NALF1: variants seen among roughly 807,000 people sequenced by gnomAD.
The protein encoded by NALF1 is NALCN channel auxiliary factor 1.
Under a neutral mutation model 48.4 loss-of-function variants are expected in NALF1, and 3 were observed. The ratio of observed to expected loss-of-function variants is 0.06; its 90% CI spans 0.03 to 0.16. The LOEUF is 0.16. Among genes scored for constraint, NALF1 ranks in the 10% least tolerant of loss-of-function variants. The pLI is 1.00. For missense variants in NALF1, 526 were observed against 571.5 expected, an observed-to-expected ratio of 0.92 and a Z score of 0.81; for synonymous variants, 262 against 245.7, an observed-to-expected ratio of 1.07 and a Z score of -0.62.
chr13:107,816,848 C>T (rs1879181871), intron 1 of NALF1, among the ~76,000 whole-genome samples: 1 of 152,086 alleles, frequency 6.6e-6, no homozygotes, highest in South Asian at 2.1e-4. Context: ...TCTTCCCAGT[C>T]CAGGAATAGA....
chr13:107,731,347 T>C (rs1193174183), intron 1 of NALF1, among the ~76,000 whole-genome samples: 1 of 152,188 alleles, frequency 6.6e-6, no homozygotes, highest in African/African-American at 2.4e-5. Context: ...TAAAACATTA[T>C]ACTTTGGGGT....
intron 1 of NALF1, among the ~76,000 whole-genome samples, chr13:107,425,702 A>C (rs1193798319): frequency 6.6e-6 from 1 of 152,118 alleles, no homozygotes; most frequent in African/African-American, 2.4e-5. Flanking sequence ...ATGATATTGA[A>C]TACCTATTTA....
intron 1 of NALF1, among the ~76,000 whole-genome samples, chr13:107,225,668 T>C (rs76988090): frequency 0.011 from 1,738 of 152,210 alleles, 31 homozygotes; most frequent in African/African-American, 0.04. Flanking sequence ...ACAGTGTGTA[T>C]GGAATAGATC....
At chr13:107,713,887 T>A (rs1017285610) in intron 1 of NALF1, among the ~76,000 whole-genome samples, 1 of 152,206 alleles carries the variant, frequency 6.6e-6, no homozygotes, top group Non-Finnish European at 1.5e-5. Context: ...AAAAAATGCA[T>A]TATAGGCAGT....
chr13:107,557,317 G>C (rs1330511286), intron 1 of NALF1, among the ~76,000 whole-genome samples: 6 of 152,174 alleles, frequency 3.9e-5, no homozygotes, highest in African/African-American at 1.4e-4. Flanking sequence ...GACTCTTGTA[G>C]AAGCAATCTT....
chr13:107,503,291 C>CAA (rs57318956), intron 1 of NALF1, among the ~76,000 whole-genome samples: 11 of 150,804 alleles, frequency 7.3e-5, no homozygotes, highest in South Asian at 4.2e-4. Context: ...TGTAAGTTTT[C>CAA]AAAAAAAAAT....
At chr13:107,701,643 A>G (rs1471363937) in intron 1 of NALF1, among the ~76,000 whole-genome samples, 1 of 152,156 alleles carries the variant, frequency 6.6e-6, no homozygotes, top group Non-Finnish European at 1.5e-5. Flanking sequence ...TGTACAATAA[A>G]CAAATCTAGA....
intron 1 of NALF1, among the ~76,000 whole-genome samples, chr13:107,384,478 G>A (rs545559438): frequency 6.6e-5 from 10 of 152,076 alleles, no homozygotes; most frequent in Non-Finnish European, 1.0e-4. Context: ...TATCTGGAGT[G>A]TGAAAATCTG....
chr13:107,552,892 G>A (rs1249657537), intron 1 of NALF1, among the ~76,000 whole-genome samples: 2 of 149,712 alleles, frequency 1.3e-5, no homozygotes, highest in Admixed American at 6.7e-5. Flanking sequence ...TTAAAATATT[G>A]TGCACAATAT....
intron 1 of NALF1, among the ~76,000 whole-genome samples, chr13:107,846,412 G>A (rs941521554): frequency 6.6e-5 from 10 of 152,132 alleles, no homozygotes; most frequent in Non-Finnish European, 1.2e-4. Context: ...TTTGGGGAAT[G>A]TTCATTAGTC....
At position 107,164,963 on chromosome 13, in the gene NALF1, A is replaced by C. The variant is rs1878629106; in HGVS notation, c.*5534T>G. The C allele has an allele frequency of 6.6e-6, 1 of 152,100 alleles. No individual in the cohort carries two copies. Among genetic ancestry groups the C allele is most frequent in the Non-Finnish European group, 1.5e-5 (1 of 68,036 alleles). 9.4% of individuals were successfully genotyped at this position (152,100 alleles called of 1,614,324 possible). ...TTGTCCAGGCACATTTATATTACTT[A>C]TCTCTTTTAAGCCTCCAATGTTGCC... On this transcript the variant is annotated 3_prime_UTR_variant, in exon 3 of 3. Transcript: ENST00000375915.
At chr13:107,813,456 T>C (rs1408121183) in intron 1 of NALF1, among the ~76,000 whole-genome samples, 1 of 152,210 alleles carries the variant, frequency 6.6e-6, no homozygotes, top group Non-Finnish European at 1.5e-5. Flanking sequence ...AAATAAGTTT[T>C]GGAAAGCTCA....
chr13:107,642,077 T>C (rs1392428794), intron 1 of NALF1, among the ~76,000 whole-genome samples: 2 of 152,106 alleles, frequency 1.3e-5, no homozygotes, highest in East Asian at 1.9e-4. Context: ...TGGGAGCACG[T>C]TGGAAAGGCA....
chr13:107,314,378 C>T (rs1210226680), intron 1 of NALF1, among the ~76,000 whole-genome samples: 2 of 152,142 alleles, frequency 1.3e-5, no homozygotes, highest in African/African-American at 4.8e-5. Context: ...TAATGAGACT[C>T]TGGGAGTTCC....
At chr13:107,415,677 G>T (rs34138236) in intron 1 of NALF1, among the ~76,000 whole-genome samples, 8,773 of 152,174 alleles carry the variant, frequency 0.058, 315 homozygotes, top group Middle Eastern at 0.11. Flanking sequence ...CTCATCAGGG[G>T]GCCTCAGAGT....
intron 1 of NALF1, among the ~76,000 whole-genome samples, chr13:107,213,511 G>C (rs1594073202): frequency 6.6e-6 from 1 of 152,158 alleles, no homozygotes; most frequent in Admixed American, 6.5e-5. Context: ...CTAGGGGTAA[G>C]ATACATCAGA....
rs183740073 is a variant in NALF1, at chr13:107,396,154, A to G, written c.916-185399T>C. ...CTCACTGTGTCCTCCCGTGGCAGAA[A>G]GAGACATTTTGTGTCTTTTTCTTCT... On this transcript the variant is annotated intron_variant, in intron 1 of 2. Transcript: ENST00000375915. 7.9e-5 allele frequency among the ~76,000 whole-genome samples: 12 copies of G among 152,248 alleles called. No individual in the cohort carries two copies. The East Asian group carries it at 2.1e-3, about 27-fold the overall frequency.
At chr13:107,404,293 G>C (rs1440544385) in intron 1 of NALF1, among the ~76,000 whole-genome samples, 1 of 152,010 alleles carries the variant, frequency 6.6e-6, no homozygotes, top group Non-Finnish European at 1.5e-5. Flanking sequence ...TAACCATTTT[G>C]AATGGGGATA....
intron 1 of NALF1, among the ~76,000 whole-genome samples, chr13:107,366,858 G>T (rs1424219763): frequency 6.6e-6 from 1 of 152,164 alleles, no homozygotes; most frequent in African/African-American, 2.4e-5. Flanking sequence ...TGCTCACAAA[G>T]GGGAAGGAAT....
Sources: gnomAD v4.1 joint callset for allele counts (sites outside exome capture counted in the v4.1 genomes callset) on GRCh38, gnomAD v4.1.1 for gene constraint, MANE v1.5 for transcripts, NCBI Gene and HGNC (gene_info 2026-07-23, HGNC 2026-07-21) for gene names.